Variants in EVX2 observed in about 807,000 individuals in gnomAD.
The protein encoded by EVX2 is homeobox even-skipped homolog protein 2.
A neutral mutation model predicts 19.2 loss-of-function variants in EVX2; 10 were observed. The observed-to-expected ratio is 0.52, with a 90% CI of 0.32 to 0.89. The LOEUF is 0.89. EVX2 is among the 40% of genes least tolerant of loss of function. The probability of loss-of-function intolerance (pLI) is 0.03; values close to 1 mark genes in which losing one functional copy is unlikely to be tolerated. For synonymous variants in EVX2, 354 were observed against 328.4 expected (o/e 1.08, Z -0.84); for missense variants, 710 against 694.9 (o/e 1.02, Z -0.24).
At position 176,080,511 on chromosome 2, in the gene EVX2, G is replaced by T. The variant is rs1297522616; in HGVS notation, c.1027C>A (p.Leu343Ile). The stretch of plus-strand genomic sequence containing the variant: ...GCGGCGGCCGCGGGAGCCTGGTAGA[G>T]ACCAGGGTGGCGGAAGCTACACAGC... ...ELLCSFRHPG[L>I]YQAPAAAAGL... is the part of the protein sequence containing the mutation. Residue 343 changes from leucine to isoleucine, a missense_variant, in exon 3 of 3, where the codon CTC becomes ATC. Leu to Ile is a conservative substitution (Grantham distance 5). Transcript: ENST00000308618. The surrounding 1 kb of genome is among the most constrained non-coding windows in gnomAD (Gnocchi z 7.0). 1 of 1,465,112 alleles carries T rather than the reference G, an allele frequency of 6.8e-7. No homozygotes were observed. The highest frequency in any genetic ancestry group is 8.9e-7 in the Non-Finnish European group (1 of 1,122,796). The allele number at this position is 1,465,112 out of a possible 1,614,324, so 90.8% of individuals were successfully genotyped here. A position where few individuals can be genotyped will look rare whatever the true frequency, so the allele number is the denominator to read the frequency against.
chr2:176,082,224 C>T lies in EVX2; in HGVS notation c.653G>A (p.Arg218Gln). ...GTTGAGTGCCGCGGCCAGCTCGCACCGGCGGGGCCGCGACACATAGTTCTC... is the reference window on the plus strand; with the variant it reads ...GTTGAGTGCCGCGGCCAGCTCGCACTGGCGGGGCCGCGACACATAGTTCTC... ...YRENYVSRPR[R>Q]CELAAALNLP... The change falls in exon 2 of 3, where the codon CGG (arginine) becomes CAG (glutamine). Residue 218 changes from arginine (R) to glutamine (Q), a missense_variant. Coordinates refer to ENST00000308618, the MANE Select transcript of EVX2 (RefSeq NM_001080458.2). This position sits in a 1 kb window ranked among gnomAD's most constrained non-coding sequence, Gnocchi z 5.2. 1 of 1,599,408 alleles carries T rather than the reference C, an allele frequency of 6.3e-7. No individual in the cohort carries two copies. The highest frequency in any genetic ancestry group is 8.5e-7 in the Non-Finnish European group (1 of 1,175,842).
rs966015015 is a variant in EVX2, at chr2:176,081,455, A to G, written c.700-617T>C. 6.6e-6 allele frequency among the ~76,000 whole-genome samples: 1 copy of G among 152,098 alleles called. No individual in the cohort carries two copies. Among genetic ancestry groups the G allele is most frequent in the African/African-American group, 2.4e-5 (1 of 41,408 alleles). The stretch of plus-strand genomic sequence containing the variant: ...ATCTAATAAAGACATCATTCGTCAC[A>G]ACTCTAAATTAAAGAAAGCCCGATC... On this transcript the variant is annotated intron_variant, in intron 2 of 2. Transcript: ENST00000308618. The surrounding 1 kb of genome is among the most constrained non-coding windows in gnomAD (Gnocchi z 5.9).
In EVX2 at chr2:176,082,538, A is replaced by G. The variant is rs1574938330; in HGVS notation, c.428-89T>C. On this transcript the variant is annotated intron_variant, in intron 1 of 2. Transcript: ENST00000308618. This position sits in a 1 kb window ranked among gnomAD's most constrained non-coding sequence, Gnocchi z 5.2. ...GCGCGCGGATCGGGGAAGCCCCGTCAGGAAGGAGAGTCGCTGCCGGAATTG... is the reference window on the plus strand; with the variant it reads ...GCGCGCGGATCGGGGAAGCCCCGTCGGGAAGGAGAGTCGCTGCCGGAATTG... 7.0e-7 allele frequency: 1 copy of G among 1,438,232 alleles called. No individual in the cohort carries two copies. Among genetic ancestry groups the G allele is most frequent in the Non-Finnish European group, 9.2e-7 (1 of 1,087,182 alleles). The allele number at this position is 1,438,232 out of a possible 1,614,324, so 89.1% of individuals were successfully genotyped here. A position where few individuals can be genotyped will look rare whatever the true frequency, so the allele number is the denominator to read the frequency against.
In EVX2 at chr2:176,081,924, G is replaced by T. The variant is rs538563182; in HGVS notation, c.699+254C>A. 6.6e-6 allele frequency among the ~76,000 whole-genome samples: 1 copy of T among 152,242 alleles called. No individual in the cohort carries two copies. Among genetic ancestry groups the T allele is most frequent in the Non-Finnish European group, 1.5e-5 (1 of 68,048 alleles). On this transcript the variant is annotated intron_variant, in intron 2 of 2. Coordinates refer to ENST00000308618, the MANE Select transcript of EVX2 (RefSeq NM_001080458.2). This position sits in a 1 kb window ranked among gnomAD's most constrained non-coding sequence, Gnocchi z 5.9. The stretch of plus-strand genomic sequence containing the variant: ...GAGGGGGCATCTGGCCAGGCGTTGG[G>T]CACAATGGAGCAGGGGCGAGTGCTT...
rs373871863 is a variant in EVX2, at chr2:176,082,272, C to A, written c.605G>T (p.Arg202Leu). 4.4e-6 allele frequency: 7 copies of A among 1,602,558 alleles called. No individual in the cohort carries two copies. The highest frequency in any genetic ancestry group is 4.0e-5 in the African/African-American group (3 of 74,842). ...RTAFTREQIA[R>L]LEKEFYRENY... Reference sequence around the variant, plus strand: ...CTCCCGGTAGAACTCCTTCTCCAGGCGCGCGATCTGCTCGCGGGTGAACGC... The same window carrying A: ...CTCCCGGTAGAACTCCTTCTCCAGGAGCGCGATCTGCTCGCGGGTGAACGC... Residue 202 changes from arginine (R) to leucine (L), a missense_variant, in exon 2 of 3, where the codon CGC becomes CTC. Coordinates refer to ENST00000308618, the MANE Select transcript of EVX2 (RefSeq NM_001080458.2). This position sits in a 1 kb window ranked among gnomAD's most constrained non-coding sequence, Gnocchi z 5.2.
chr2:176,080,824 G>C lies in EVX2; in HGVS notation c.714C>G (p.Asn238Lys). 1 of 1,611,682 alleles carries C rather than the reference G, an allele frequency of 6.2e-7. No individual in the cohort carries two copies. The part of the protein sequence containing the change: ...PETTIKVWFQ[N>K]RRMKDKRQRL... ...GCTGCCGCTTGTCCTTCATGCGCCG[G>C]TTCTGGAACCACACCTGCGGGGAGA... Residue 238 changes from asparagine to lysine, a missense_variant, in exon 3 of 3, where the codon AAC (asparagine) becomes AAG (lysine). By Grantham distance (94) the Asn-to-Lys change is moderately conservative. Transcript: ENST00000308618. This position sits in a 1 kb window ranked among gnomAD's most constrained non-coding sequence, Gnocchi z 7.0.
chr2:176,083,479 T>G lies in EVX2; in HGVS notation c.298A>C (p.Lys100Gln), dbSNP rs955080608. ...SEISSAAESR[K>Q]KPGHYSEAAA... ...GCCTCTGAATAATGGCCCGGCTTCTTGCGGCTCTCGGCGGCGGAGGAGATT... is the reference window on the plus strand; with the variant it reads ...GCCTCTGAATAATGGCCCGGCTTCTGGCGGCTCTCGGCGGCGGAGGAGATT... Residue 100 changes from lysine to glutamine, a missense_variant, in exon 1 of 3, where the codon AAG (lysine) becomes CAG (glutamine). Transcript: ENST00000308618. This position sits in a 1 kb window ranked among gnomAD's most constrained non-coding sequence, Gnocchi z 4.4. The G allele has an allele frequency of 1.9e-6, 3 of 1,614,110 alleles. No individual in the cohort carries two copies. The highest frequency in any genetic ancestry group is 2.5e-6 in the Non-Finnish European group (3 of 1,180,034).
rs780579197 is a variant in EVX2 at position 176,083,340 on chromosome 2, G to T, written c.427+10C>A. The T allele has an allele frequency of 2.6e-6, 4 of 1,564,760 alleles. No homozygotes were observed. Among genetic ancestry groups the T allele is most frequent in the East Asian group, 4.8e-5 (2 of 41,946 alleles). ...GGGACTGGAGAGCGCGGTGCGGCCG[G>T]CGCGGTTACCTTTGCCATTGTTTTC... On this transcript the variant is annotated intron_variant, in intron 1 of 2. Transcript: ENST00000308618. The surrounding 1 kb of genome is among the most constrained non-coding windows in gnomAD (Gnocchi z 4.4).
At position 176,080,498 on chromosome 2, in the gene EVX2, G is replaced by T. The variant is rs1213591496; in HGVS notation, c.1040C>A (p.Pro347His). 3.7e-6 allele frequency: 5 copies of T among 1,358,756 alleles called. No homozygotes were observed. Among genetic ancestry groups the T allele is most frequent in the Admixed American group, 3.7e-5 (1 of 27,016 alleles). The allele number at this position is 1,358,756 out of a possible 1,614,324, so 84.2% of individuals were successfully genotyped here. Residue 347 changes from proline (P) to histidine (H), a missense_variant, in exon 3 of 3, where the codon CCC becomes CAC. Transcript: ENST00000308618. This position sits in a 1 kb window ranked among gnomAD's most constrained non-coding sequence, Gnocchi z 7.0. Reference protein sequence around the residue: ...SFRHPGLYQAPAAAAGLNSAA... With the variant: ...SFRHPGLYQAHAAAAGLNSAA... ...GCTGTTGAGCCCCGCGGCGGCCGCG[G>T]GAGCCTGGTAGAGACCAGGGTGGCG...
chr2:176,082,540 G>C lies in EVX2; in HGVS notation c.428-91C>G, dbSNP rs72919090. ...GCGCGGATCGGGGAAGCCCCGTCAG[G>C]AAGGAGAGTCGCTGCCGGAATTGAT... is the stretch of plus-strand genomic sequence containing the variant. On this transcript the variant is annotated intron_variant, in intron 1 of 2. Coordinates refer to ENST00000308618, the MANE Select transcript of EVX2 (RefSeq NM_001080458.2). This position sits in a 1 kb window ranked among gnomAD's most constrained non-coding sequence, Gnocchi z 5.2. The C allele has an allele frequency of 0.052, 74,859 of 1,432,530 alleles. 2,221 individuals are homozygous for C. The highest frequency in any genetic ancestry group is 0.1 in the Middle Eastern group (404 of 3,868). 88.7% of individuals were successfully genotyped at this position (1,432,530 alleles called of 1,614,324 possible).
chr2:176,079,781 A>C lies in EVX2; in HGVS notation c.*326T>G. 1 of 205,948 alleles carries C rather than the reference A, an allele frequency of 4.9e-6. No homozygotes were observed. Among genetic ancestry groups the C allele is most frequent in the Non-Finnish European group, 9.7e-6 (1 of 103,138 alleles). 12.8% of individuals were successfully genotyped at this position (205,948 alleles called of 1,614,324 possible). A position where few individuals can be genotyped will look rare whatever the true frequency, so the allele number is the denominator to read the frequency against. ...GAGAGTGCACAGCCAGGACTAGCTT[A>C]GGGGGCGAGGGGTTGGTCTTTGGGA... On this transcript the variant is annotated 3_prime_UTR_variant, in exon 3 of 3. Coordinates refer to ENST00000308618, the MANE Select transcript of EVX2 (RefSeq NM_001080458.2). This position sits in a 1 kb window ranked among gnomAD's most constrained non-coding sequence, Gnocchi z 4.4.
At position 176,083,871 on chromosome 2, in the gene EVX2, C is replaced by G; in HGVS notation, c.-95G>C. ...ATTCTCATTCAGCCCCAGCGAACGC[C>G]TCTAAATATTATTATCGCTTTCGGA... On this transcript the variant is annotated 5_prime_UTR_variant, in exon 1 of 3. Transcript: ENST00000308618. The surrounding 1 kb of genome is among the most constrained non-coding windows in gnomAD (Gnocchi z 4.4). 8.9e-7 allele frequency: 1 copy of G among 1,118,426 alleles called. No individual in the cohort carries two copies. The highest frequency in any genetic ancestry group is 1.3e-6 in the Non-Finnish European group (1 of 783,194). The allele number at this position is 1,118,426 out of a possible 1,614,324, so 69.3% of individuals were successfully genotyped here.
Position 176,082,337 on chromosome 2 carries a change from G to C in EVX2, c.540C>G (p.Gly180=). ...GCACTTGATCCGCGCCAGAGCCGGA[G>C]CCACCCAGCGCCGCGCTCCCGCCGC... ...GGSGGSAALG[G]SGSGADQVRR... The change falls in exon 2 of 3, where the codon GGC becomes GGG. Residue 180 remains glycine, a synonymous_variant. Coordinates refer to ENST00000308618, the MANE Select transcript of EVX2 (RefSeq NM_001080458.2). This position sits in a 1 kb window ranked among gnomAD's most constrained non-coding sequence, Gnocchi z 5.2. The C allele has an allele frequency of 6.3e-7, 1 of 1,596,126 alleles. No individual in the cohort carries two copies. Among genetic ancestry groups the C allele is most frequent in the Non-Finnish European group, 8.5e-7 (1 of 1,176,078 alleles).
At position 176,080,275 on chromosome 2, in the gene EVX2, ACCACCACCGCCGCCGCCACCG is replaced by A; in HGVS notation, c.1242_1262del (p.Gly422_Gly428del). 1 of 1,283,388 alleles carries A rather than the reference ACCACCACCGCCGCCGCCACCG, an allele frequency of 7.8e-7. No homozygotes were observed. The highest frequency in any genetic ancestry group is 9.9e-7 in the Non-Finnish European group (1 of 1,012,354). 79.5% of individuals were successfully genotyped at this position (1,283,388 alleles called of 1,614,324 possible). The stretch of plus-strand genomic sequence containing the variant: ...CGGCGCCCCCGCCGCCGCCGCCACC[ACCACCACCGCCGCCGCCACCG>A]CCACCCCGGGAACCCAGGGCTGCGG... On this transcript the variant is annotated inframe_deletion, in exon 3 of 3. Transcript: ENST00000308618. The surrounding 1 kb of genome is among the most constrained non-coding windows in gnomAD (Gnocchi z 7.0).
In EVX2 at chr2:176,080,887, C is replaced by T; in HGVS notation, c.700-49G>A. 6.4e-7 allele frequency: 1 copy of T among 1,568,310 alleles called. No homozygotes were observed. Among genetic ancestry groups the T allele is most frequent in the Non-Finnish European group, 8.6e-7 (1 of 1,159,746 alleles). On this transcript the variant is annotated intron_variant, in intron 2 of 2. Transcript: ENST00000308618. The surrounding 1 kb of genome is among the most constrained non-coding windows in gnomAD (Gnocchi z 7.0). ...CCTGGGTTAGGGAGCGCCCCGTGTT[C>T]CCAGCTCCTGTCCCAGGACCTCTGC...
At position 176,080,425 on chromosome 2, in the gene EVX2, G is replaced by A; in HGVS notation, c.1113C>T (p.Ser371=). Residue 371 remains serine (S), a synonymous_variant, in exon 3 of 3, where the codon TCC becomes TCT. Coordinates refer to ENST00000308618, the MANE Select transcript of EVX2 (RefSeq NM_001080458.2). This position sits in a 1 kb window ranked among gnomAD's most constrained non-coding sequence, Gnocchi z 7.0. The part of the protein sequence containing the change: ...AAAAAAAAAA[S]SAAAAGAPPS... ...GGGGCGCGCCGGCCGCCGCCGCCGAGGAGGCCGCAGCCGCTGCGGCTGCCG... is the reference window on the plus strand; with the variant it reads ...GGGGCGCGCCGGCCGCCGCCGCCGAAGAGGCCGCAGCCGCTGCGGCTGCCG... The A allele has an allele frequency of 1.8e-6, 2 of 1,098,896 alleles. No homozygotes were observed. The highest frequency in any genetic ancestry group is 2.2e-6 in the Non-Finnish European group (2 of 904,614). The allele number at this position is 1,098,896 out of a possible 1,614,324, so 68.1% of individuals were successfully genotyped here.
chr2:176,081,033 C>T lies in EVX2; in HGVS notation c.700-195G>A, dbSNP rs1559102910. ...AGTGTGTGGACCGCCGTGGGCACAC[C>T]GTCCTCAACGAAGAGGGTCCTCTCC... On this transcript the variant is annotated intron_variant, in intron 2 of 2. Transcript: ENST00000308618. The surrounding 1 kb of genome is among the most constrained non-coding windows in gnomAD (Gnocchi z 5.9). Among the ~76,000 whole-genome samples, 1 of 152,168 alleles carries T rather than the reference C, an allele frequency of 6.6e-6. No individual in the cohort carries two copies. Among genetic ancestry groups the T allele is most frequent in the African/African-American group, 2.4e-5 (1 of 41,438 alleles).
rs536951037 is a variant in EVX2 at position 176,082,724 on chromosome 2, C to A, written c.428-275G>T. ...AAAGTGGCCGAGGGAAAATGCCTACCTCTGGGCGCAGTTTGGGAAGCTCTG... is the reference window on the plus strand; with the variant it reads ...AAAGTGGCCGAGGGAAAATGCCTACATCTGGGCGCAGTTTGGGAAGCTCTG... On this transcript the variant is annotated intron_variant, in intron 1 of 2. Transcript: ENST00000308618. The surrounding 1 kb of genome is among the most constrained non-coding windows in gnomAD (Gnocchi z 5.2). 2.0e-5 allele frequency among the ~76,000 whole-genome samples: 3 copies of A among 152,322 alleles called. No individual in the cohort carries two copies. The highest frequency in any genetic ancestry group is 4.1e-4 in the South Asian group (2 of 4,826).
Position 176,080,951 on chromosome 2 carries a change from C to G in EVX2, c.700-113G>C. On this transcript the variant is annotated intron_variant, in intron 2 of 2. Transcript: ENST00000308618. This position sits in a 1 kb window ranked among gnomAD's most constrained non-coding sequence, Gnocchi z 7.0. ...CTGAATGGCTTGGTCTACTTCTCTCCGACCAAGCCCAACCCCGAGTACCCT... is the reference window on the plus strand; with the variant it reads ...CTGAATGGCTTGGTCTACTTCTCTCGGACCAAGCCCAACCCCGAGTACCCT... 7.5e-7 allele frequency: 1 copy of G among 1,332,316 alleles called. No individual in the cohort carries two copies. Among genetic ancestry groups the G allele is most frequent in the Non-Finnish European group, 1.0e-6 (1 of 1,001,150 alleles). The allele number at this position is 1,332,316 out of a possible 1,614,324, so 82.5% of individuals were successfully genotyped here.
Sources: gnomAD v4.1 joint callset for allele counts (sites outside exome capture counted in the v4.1 genomes callset) on GRCh38, gnomAD v4.1.1 for gene constraint, Gnocchi (gnomAD v3.1) non-coding constraint, MANE v1.5 for transcripts, NCBI Gene and HGNC (gene_info 2026-07-23, HGNC 2026-07-21) for gene names.